The following GCFC2 variants were observed in gnomAD, a reference collection of about 807,000 sequenced individuals.
GCFC2 encodes the protein GC-rich sequence DNA-binding factor 2.
GCFC2 carries 102 observed loss-of-function variants against 99.4 expected under a neutral mutation model. That is an observed-to-expected ratio of 1.03 (90% confidence interval 0.87 to 1.21). GCFC2 has a LOEUF of 1.21. Among genes scored for constraint, GCFC2 ranks in the 50% most tolerant of loss-of-function variants. The pLI is 0.00. For missense variants in GCFC2, 973 were observed against 920.9 expected (o/e 1.06, Z -0.73); for synonymous variants, 338 against 316.8 (o/e 1.07, Z -0.71).
At chr2:75,712,803 T>C (rs536819564), upstream of GCFC2, among the ~76,000 whole-genome samples, 1 of 152,176 alleles carries the variant, frequency 6.6e-6, no homozygotes, top group East Asian at 1.9e-4. Flanking sequence ...CCTTAAGAGC[T>C]GTAACGCTCA....
At chr2:75,673,152 T>C (rs1021648461) in intron 13 of GCFC2, among the ~76,000 whole-genome samples, 2 of 151,440 alleles carry the variant, frequency 1.3e-5, no homozygotes, top group African/African-American at 2.4e-5. Flanking sequence ...CTACTAAATA[T>C]ACAAAAAATT....
intron 12 of GCFC2, 104 bp downstream of exon 12, chr2:75,680,089 G>A: frequency 1.3e-6 from 1 of 750,676 alleles, no homozygotes; most frequent in Non-Finnish European, 2.1e-6. Context: ...CCCCCAAACA[G>A]TTTTCTGATA....
At chr2:75,670,055 A>C (rs1679021735) in intron 15 of GCFC2, 83 bp downstream of exon 15, 1 of 892,812 alleles carries the variant, frequency 1.1e-6, no homozygotes, top group African/African-American at 1.7e-5. Context: ...CCACACATTT[A>C]ATTATTTTGC....
rs756563965 is a variant in GCFC2, at chr2:75,689,938, A to G, written c.1339+31T>C. The G allele has an allele frequency of 2.6e-6, 3 of 1,157,526 alleles. No individual in the cohort carries two copies. In the East Asian group the frequency reaches 7.4e-5, roughly 28 times the overall value. 71.7% of individuals were successfully genotyped at this position (1,157,526 alleles called of 1,614,324 possible). A position where few individuals can be genotyped will look rare whatever the true frequency, so the allele number is the denominator to read the frequency against. ...TGTTTCTCACCATTTCAAAACTCAA[A>G]CCATGATATATTAGAAACTTGGTAA... On this transcript the variant is annotated intron_variant, in intron 9 of 16. Coordinates refer to ENST00000321027, the MANE Select transcript of GCFC2 (RefSeq NM_003203.5).
intron 2 of GCFC2, among the ~76,000 whole-genome samples, chr2:75,702,964 T>G (rs1365654928): frequency 6.6e-6 from 1 of 152,184 alleles, no homozygotes; most frequent in Non-Finnish European, 1.5e-5. Context: ...CAAATTAGCC[T>G]CTGCGGTTCT....
upstream of GCFC2, chr2:75,711,093 G>A: frequency 4.6e-6 from 6 of 1,295,586 alleles, no homozygotes; most frequent in Non-Finnish European, 4.9e-6. Flanking sequence ...GCCAGGTTAG[G>A]TTGCGTGGAC....
At chr2:75,678,171 A>G (rs1679430640) in intron 12 of GCFC2, among the ~76,000 whole-genome samples, 4 of 152,232 alleles carry the variant, frequency 2.6e-5, no homozygotes, top group African/African-American at 9.6e-5. Context: ...AAATGAGACA[A>G]TGTGAAAGTA....
At chr2:75,681,722 G>A (rs1023158994) in intron 11 of GCFC2, among the ~76,000 whole-genome samples, 3 of 151,864 alleles carry the variant, frequency 2.0e-5, no homozygotes, top group Non-Finnish European at 4.4e-5. Flanking sequence ...CAGCACAGCA[G>A]TCTGAGCCCA....
Position 75,710,764 on chromosome 2 carries a change from G to C in GCFC2, c.92C>G (p.Ala31Gly). 6.4e-7 allele frequency: 1 copy of C among 1,569,348 alleles called. No homozygotes were observed. The change falls in exon 1 of 17, where the codon GCG (alanine) becomes GGG (glycine). Residue 31 changes from alanine to glycine, a missense_variant. Ala to Gly is a moderately conservative substitution (Grantham distance 60, BLOSUM62 0). Coordinates refer to ENST00000321027, the MANE Select transcript of GCFC2 (RefSeq NM_003203.5). Reference protein sequence around the residue: ...GAEESPAEPGAPRELPVPGSA... With the variant: ...GAEESPAEPGGPRELPVPGSA... ...ACCCGGGACCGGAAGTTCCCTCGGC[G>C]CCCCAGGCTCAGCAGGCGACTCCTC... is the stretch of plus-strand genomic sequence containing the variant.
At position 75,702,248 on chromosome 2, in the gene GCFC2, T is replaced by C. The variant is rs1453004588; in HGVS notation, c.570A>G (p.Pro190=). Residue 190 remains proline (P), a synonymous_variant, in exon 3 of 17, where the codon CCA becomes CCG. Coordinates refer to ENST00000321027, the MANE Select transcript of GCFC2 (RefSeq NM_003203.5). ...TAAGTGTTTGAGGTCTTAGAGTAAA[T>C]GGTATTCTCTTTTCATGGTCATCAG... The part of the protein sequence containing the change: ...SEPDDHEKRI[P]FTLRPQTLRQ... 2 of 1,611,426 alleles carry C rather than the reference T, an allele frequency of 1.2e-6. No homozygotes were observed. The highest frequency in any genetic ancestry group is 8.5e-7 in the Non-Finnish European group (1 of 1,177,518).
chr2:75,699,962 G>A (rs538016786), intron 4 of GCFC2, among the ~76,000 whole-genome samples: 49 of 150,184 alleles, frequency 3.3e-4, no homozygotes, highest in Middle Eastern at 7.2e-3. Context: ...GCGCAGTGGC[G>A]TGATCTTGGC....
At chr2:75,687,693 T>C in intron 11 of GCFC2, 134 bp downstream of exon 11, 1 of 725,778 alleles carries the variant, frequency 1.4e-6, no homozygotes, top group Non-Finnish European at 2.3e-6. Flanking sequence ...TTGACAGCTG[T>C]TGATTTTTAC....
At chr2:75,673,312 GAAAA>G in intron 13 of GCFC2, 128 bp downstream of exon 13, 4 of 485,976 alleles carry the variant, frequency 8.2e-6, no homozygotes, top group Non-Finnish European at 1.5e-5. Flanking sequence ...AGTCTCAAAA[GAAAA>G]AAAAAAAAGA....
chr2:75,699,874 G>C (rs1680500215), intron 4 of GCFC2, among the ~76,000 whole-genome samples: 1 of 150,902 alleles, frequency 6.6e-6, no homozygotes, highest in East Asian at 2.0e-4. Context: ...ACTATGCCTG[G>C]CCAAATCTGG....
At chr2:75,705,534 G>A (rs1490866826) in intron 2 of GCFC2, among the ~76,000 whole-genome samples, 1 of 116,248 alleles carries the variant, frequency 8.6e-6, no homozygotes, top group African/African-American at 2.9e-5. Context: ...GGAGAATGAC[G>A]TGAACCTGGG....
In GCFC2 at chr2:75,666,040, A is replaced by G. The variant is rs1008527800; in HGVS notation, c.2117T>C (p.Leu706Pro). The G allele has an allele frequency of 6.2e-7, 1 of 1,605,294 alleles. No homozygotes were observed. Residue 706 changes from leucine to proline, a missense_variant, in exon 16 of 17, where the codon CTA (leucine) becomes CCA (proline). Physicochemically the swap from Leu to Pro is moderately conservative, Grantham distance 98. Coordinates refer to ENST00000321027, the MANE Select transcript of GCFC2 (RefSeq NM_003203.5). ...AGAATTTTCAAACCATTTTTCTGGT[A>G]GACATGCTGCTACCTGTTAATCAAA... is the stretch of plus-strand genomic sequence containing the variant. The part of the protein sequence containing the change: ...VKKCNQVAAC[L>P]PEKWFENSAM...
At chr2:75,693,091 GC>G in intron 6 of GCFC2, among the ~76,000 whole-genome samples, 1 of 152,168 alleles carries the variant, frequency 6.6e-6, no homozygotes, top group East Asian at 1.9e-4. Flanking sequence ...GTAGAAGATA[GC>G]CAACTTAAAA....
At chr2:75,708,220 AT>A (rs1451007084) in intron 1 of GCFC2, among the ~76,000 whole-genome samples, 1 of 152,192 alleles carries the variant, frequency 6.6e-6, no homozygotes, top group African/African-American at 2.4e-5. Flanking sequence ...TCAAGTGAAA[AT>A]TGAGATTTTG....
At position 75,687,860 on chromosome 2, in the gene GCFC2, T is replaced by C. The variant is rs138941027; in HGVS notation, c.1657A>G (p.Ile553Val). ...CGGGGAATAATTGTTTTGTTGATGA[T>C]TGCAGACAAGACTTTTTTATCTGAA... ...SSSDKKVLSA[I>V]INKTIIPRLT... The change falls in exon 11 of 17, where the codon ATC becomes GTC. Residue 553 changes from isoleucine (I) to valine (V), a missense_variant. By Grantham distance (29) the Ile-to-Val change is conservative. Transcript: ENST00000321027. 129 of 1,606,800 alleles carry C rather than the reference T, an allele frequency of 8.0e-5. No individual in the cohort carries two copies. The African/African-American group carries it at 1.4e-3, about 17-fold the overall frequency.
Sources: allele counts gnomAD v4.1 joint callset (sites outside exome capture counted in the v4.1 genomes callset), GRCh38; gene constraint gnomAD v4.1.1; transcripts MANE v1.5; gene names NCBI Gene and HGNC (gene_info 2026-07-23, HGNC 2026-07-21).